Variants in L2HGDH observed in about 807,000 individuals in gnomAD.
The protein encoded by L2HGDH is L-2-hydroxyglutarate dehydrogenase, mitochondrial.
A neutral mutation model predicts 51.5 loss-of-function variants in L2HGDH; 34 were observed. The ratio of observed to expected loss-of-function variants is 0.66; its 90% CI spans 0.50 to 0.88. L2HGDH has a LOEUF of 0.88. Ranked by LOEUF, L2HGDH falls within the 40% of genes least tolerant of loss-of-function variation. L2HGDH has a pLI of 0.00. For missense variants in L2HGDH, 558 were observed against 571.9 expected, an observed-to-expected ratio of 0.98 and a Z score of 0.25; for synonymous variants, 198 against 197.9, an observed-to-expected ratio of 1.00 and a Z score of -0.01.
At chr14:50,310,747 C>T (rs571672654) in intron 1 of L2HGDH, among the ~76,000 whole-genome samples, 62 of 152,084 alleles carry the variant, frequency 4.1e-4, no homozygotes, top group African/African-American at 1.5e-3. Context: ...ACAAAACTTT[C>T]ACTAGCCCTA....
In L2HGDH at chr14:50,262,520, A is replaced by AT. The variant is rs1009017695; in HGVS notation, c.1196+2837dup. ...AGAGAGACTAACACAATGAATACCC[A>AT]TTTTTTTATCTAACAGCTTAAGAAA... On this transcript the variant is annotated intron_variant, in intron 9 of 9. Coordinates refer to ENST00000267436, the MANE Select transcript of L2HGDH (RefSeq NM_024884.3). Among the ~76,000 whole-genome samples, 8 of 151,652 alleles carry AT rather than the reference A, an allele frequency of 5.3e-5. 1 individual carries two copies. The highest frequency in any genetic ancestry group is 2.0e-4 in the Admixed American group (3 of 15,220).
intron 9 of L2HGDH, among the ~76,000 whole-genome samples, chr14:50,249,649 C>T (rs1010547738): frequency 6.6e-5 from 10 of 151,966 alleles, no homozygotes; most frequent in Admixed American, 6.6e-5. Context: ...TAACCAGCAG[C>T]GATACCCAAG....
Position 50,243,426 on chromosome 14 carries a change from TTA to T in L2HGDH, c.*3630_*3631del. The T allele has an allele frequency of 1.0e-6, 1 of 961,296 alleles. No individual in the cohort carries two copies. The highest frequency in any genetic ancestry group is 1.2e-6 in the Non-Finnish European group (1 of 808,202). The allele number at this position is 961,296 out of a possible 1,614,324, so 59.5% of individuals were successfully genotyped here. On this transcript the variant is annotated 3_prime_UTR_variant, in exon 10 of 10. Transcript: ENST00000267436. ...GTTTATGTTTTACACATAAAAAAAT[TTA>T]TTTGCATAAAAGTTTTTATGGAACT...
chr14:50,311,099 C>T (rs2031130398), intron 1 of L2HGDH, among the ~76,000 whole-genome samples: 5 of 151,932 alleles, frequency 3.3e-5, no homozygotes, highest in African/African-American at 1.2e-4. Context: ...ACCACCACGC[C>T]AGGCTAATTT....
At chr14:50,267,151 TTA>T (rs1392305007) in intron 8 of L2HGDH, among the ~76,000 whole-genome samples, 1 of 75,830 alleles carries the variant, frequency 1.3e-5, no homozygotes, top group Non-Finnish European at 2.9e-5. Flanking sequence ...TTATTTTTAT[TTA>T]TTTATTTATT....
In L2HGDH at chr14:50,246,280, A is replaced by T. The variant is rs1171614144; in HGVS notation, c.*778T>A. The T allele has an allele frequency of 6.6e-6, 1 of 150,712 alleles. No homozygotes were observed. The highest frequency in any genetic ancestry group is 1.5e-5 in the Non-Finnish European group (1 of 67,732). The allele number at this position is 150,712 out of a possible 1,614,324, so 9.3% of individuals were successfully genotyped here. ...GTTGCCCAGGCTGGGGTATAGTGGC[A>T]TGAACACAGCTCACTGTAGCCTTGA... On this transcript the variant is annotated 3_prime_UTR_variant, in exon 10 of 10. Transcript: ENST00000267436.
chr14:50,247,223 C>A lies in L2HGDH; in HGVS notation c.1227G>T (p.Leu409=). The A allele has an allele frequency of 6.2e-7, 1 of 1,613,962 alleles. No homozygotes were observed. The part of the protein sequence containing the change: ...RGPAGVRAQA[L]DRDGNLVEDF... ...CTTCTACCAGATTTCCATCTCTATC[C>A]AGGGCCTGGGCTCTTACTCCAGCTG... is the stretch of plus-strand genomic sequence containing the variant. Residue 409 remains leucine, a synonymous_variant, in exon 10 of 10, where the codon CTG becomes CTT. Coordinates refer to ENST00000267436, the MANE Select transcript of L2HGDH (RefSeq NM_024884.3).
intron 8 of L2HGDH, among the ~76,000 whole-genome samples, chr14:50,267,221 G>A (rs979764585): frequency 2.7e-5 from 4 of 147,920 alleles, no homozygotes; most frequent in South Asian, 2.1e-4. Context: ...TTGCTCTGTC[G>A]CCCAGGCTGG....
intron 5 of L2HGDH, among the ~76,000 whole-genome samples, chr14:50,281,474 C>A (rs998931840): frequency 6.6e-6 from 1 of 152,090 alleles, no homozygotes; most frequent in African/African-American, 2.4e-5. Flanking sequence ...TGTTTGTAAT[C>A]CCAGTTACTT....
intron 4 of L2HGDH, among the ~76,000 whole-genome samples, chr14:50,290,876 A>C (rs1203738282): frequency 6.6e-6 from 1 of 152,002 alleles, no homozygotes; most frequent in Non-Finnish European, 1.5e-5. Flanking sequence ...TCTTCTTTTA[A>C]TTTTTTTAAC....
At chr14:50,272,002 G>A (rs895771893) in intron 6 of L2HGDH, among the ~76,000 whole-genome samples, 5 of 152,114 alleles carry the variant, frequency 3.3e-5, no homozygotes, top group African/African-American at 4.8e-5. Flanking sequence ...TTAACCAGGC[G>A]TGGTGAGACA....
rs10658363 is a variant in L2HGDH, at chr14:50,278,405, A to ATTACTT, written c.738+114_738+115insAAGTAA. On this transcript the variant is annotated intron_variant, in intron 6 of 9. Coordinates refer to ENST00000267436, the MANE Select transcript of L2HGDH (RefSeq NM_024884.3). Reference sequence around the variant, plus strand: ...CTTCCCTAAAAGAAATTCTCTCAGAATTACATTAGACAAATGTCATTCAAT... The same window carrying ATTACTT: ...CTTCCCTAAAAGAAATTCTCTCAGAATTACTTTTACATTAGACAAATGTCATTCAAT... The ATTACTT allele has an allele frequency of 0.56, 389,897 of 694,500 alleles. 110,666 individuals are homozygous for ATTACTT. Among genetic ancestry groups the ATTACTT allele is most frequent in the East Asian group, 0.64 (23,038 of 36,086 alleles). The allele number at this position is 694,500 out of a possible 1,614,324, so 43.0% of individuals were successfully genotyped here. A position where few individuals can be genotyped will look rare whatever the true frequency, so the allele number is the denominator to read the frequency against.
chr14:50,290,939 C>T (rs1016524912), intron 4 of L2HGDH, among the ~76,000 whole-genome samples: 4 of 152,050 alleles, frequency 2.6e-5, no homozygotes, highest in African/African-American at 9.7e-5. Flanking sequence ...GTGGCTCACG[C>T]CTATAATCCC....
At position 50,265,360 on chromosome 14, in the gene L2HGDH, A is replaced by G; in HGVS notation, c.1194T>C (p.Leu398=). The change falls in exon 9 of 10, where the codon CTT becomes CTC. Residue 398 remains leucine (L), a splice_region_variant and synonymous_variant. Coordinates refer to ENST00000267436, the MANE Select transcript of L2HGDH (RefSeq NM_024884.3). The part of the protein sequence containing the change: ...FIPEITISDI[L]RGPAGVRAQA... The stretch of plus-strand genomic sequence containing the variant: ...CACTCCTTATCCCTTTTCCTTACCT[A>G]AGTATATCACTGATAGTAATTTCAG... The G allele has an allele frequency of 6.2e-7, 1 of 1,610,460 alleles. No homozygotes were observed. Among genetic ancestry groups the G allele is most frequent in the Non-Finnish European group, 8.5e-7 (1 of 1,176,818 alleles).
At chr14:50,253,903 A>G (rs1198387612) in intron 9 of L2HGDH, among the ~76,000 whole-genome samples, 1 of 152,160 alleles carries the variant, frequency 6.6e-6, no homozygotes, top group African/African-American at 2.4e-5. Context: ...TCATTATGTT[A>G]AGTAAAATAA....
intron 4 of L2HGDH, among the ~76,000 whole-genome samples, chr14:50,286,247 G>A (rs1236886906): frequency 2.0e-5 from 3 of 152,180 alleles, no homozygotes; most frequent in Admixed American, 2.0e-4. Context: ...GCAGACCAGA[G>A]GGCAGAGTAG....
intron 1 of L2HGDH, among the ~76,000 whole-genome samples, chr14:50,311,591 G>C (rs1595167344): frequency 6.6e-6 from 1 of 152,182 alleles, no homozygotes; most frequent in African/African-American, 2.4e-5. Context: ...ACTGTATTCA[G>C]ATCTTCCAAG....
At chr14:50,280,649 T>C (rs1890216604) in intron 5 of L2HGDH, among the ~76,000 whole-genome samples, 1 of 152,044 alleles carries the variant, frequency 6.6e-6, no homozygotes, top group Non-Finnish European at 1.5e-5. Flanking sequence ...TTTTGCAAAT[T>C]AAGAAAAAAT....
chr14:50,309,046 T>C (rs1366307730), intron 1 of L2HGDH, among the ~76,000 whole-genome samples: 2 of 152,236 alleles, frequency 1.3e-5, no homozygotes, highest in African/African-American at 4.8e-5. Flanking sequence ...TTATGTATTT[T>C]GTGTATTAGT....
Sources: allele counts gnomAD v4.1 joint callset (sites outside exome capture counted in the v4.1 genomes callset), GRCh38; gene constraint gnomAD v4.1.1; transcripts MANE v1.5; gene names NCBI Gene and HGNC (gene_info 2026-07-23, HGNC 2026-07-21).